The following ZBTB11 variants were observed in gnomAD, a reference collection of about 807,000 sequenced individuals.
ZBTB11 encodes zinc finger and BTB domain containing 11, also known as zinc finger and BTB domain-containing protein 11.
In ZBTB11, 68 loss-of-function variants were observed where a neutral mutation model predicts 113.1. The ratio of observed to expected loss-of-function variants is 0.60; its 90% CI spans 0.49 to 0.74. ZBTB11 has a LOEUF of 0.74. Ranked by LOEUF, ZBTB11 falls within the 30% of genes least tolerant of loss-of-function variation. The pLI is 0.00. For synonymous variants in ZBTB11, 518 were observed against 452.6 expected (o/e 1.14, Z -1.83); for missense variants, 1,104 against 1,279.4 (o/e 0.86, Z 2.09).
chr3:101,661,908 G>T (rs1936893993), intron 5 of ZBTB11, among the ~76,000 whole-genome samples: 1 of 151,766 alleles, frequency 6.6e-6, no homozygotes, highest in African/African-American at 2.4e-5. Context: ...TTTCTAACTT[G>T]TCTTTTTGCT....
chr3:101,652,963 T>C lies in ZBTB11; in HGVS notation c.2310-25A>G, dbSNP rs183852989. 2.2e-4 allele frequency: 345 copies of C among 1,595,200 alleles called. 3 individuals carry two copies. The Middle Eastern group carries it at 6.4e-3, about 29-fold the overall frequency. ...TCTGCAATAAAGTTCAGTTACCCAA[T>C]TGGATAATCTTATTCCTTTAAAACA... On this transcript the variant is annotated intron_variant, in intron 8 of 10. Transcript: ENST00000312938.
At chr3:101,671,928 A>G in intron 2 of ZBTB11, 50 bp downstream of exon 2, 1 of 1,419,354 alleles carries the variant, frequency 7.0e-7, no homozygotes, top group Non-Finnish European at 1.0e-6. Context: ...GGCTGCAAAT[A>G]CTAGTACACT....
At chr3:101,672,619 G>A (rs963002723) in intron 1 of ZBTB11, among the ~76,000 whole-genome samples, 1 of 152,234 alleles carries the variant, frequency 6.6e-6, no homozygotes, top group Non-Finnish European at 1.5e-5. Context: ...TGGAGGCTGA[G>A]GCCGGAGACT....
At position 101,671,160 on chromosome 3, in the gene ZBTB11, A is replaced by T. The variant is rs778209173; in HGVS notation, c.748T>A (p.Ser250Thr). ...AGATCCACCACAGCCTCATGACTGG[A>T]AACAGCTCCTTTCTCAATAAAAAGA... Reference protein sequence around the residue: ...RDLFIEKGAVSSHEAVVDLSG... With the variant: ...RDLFIEKGAVTSHEAVVDLSG... The change falls in exon 3 of 11, where the codon TCC becomes ACC. Residue 250 changes from serine (S) to threonine (T), a missense_variant. By Grantham distance (58) the Ser-to-Thr change is moderately conservative. This residue lies in a region of ZBTB11 where 86 missense variants were observed against 131.0 expected (regional missense o/e 0.66). Coordinates refer to ENST00000312938, the MANE Select transcript of ZBTB11 (RefSeq NM_014415.4). 16 of 1,614,084 alleles carry T rather than the reference A, an allele frequency of 9.9e-6. No individual in the cohort carries two copies. The highest frequency in any genetic ancestry group is 1.3e-5 in the African/African-American group (1 of 74,938).
chr3:101,674,428 T>C (rs1283555028), intron 1 of ZBTB11, among the ~76,000 whole-genome samples: 1 of 151,024 alleles, frequency 6.6e-6, no homozygotes, highest in Non-Finnish European at 1.5e-5. Context: ...GAGGTTGTAT[T>C]GGCCGGGCGC....
intron 6 of ZBTB11, among the ~76,000 whole-genome samples, chr3:101,658,289 G>A (rs1052487828): frequency 4.6e-5 from 7 of 150,576 alleles, no homozygotes; most frequent in African/African-American, 7.4e-5. Flanking sequence ...GCAGTGGTGC[G>A]GTCTCGGCTC....
chr3:101,658,336 C>T (rs1416444642), intron 6 of ZBTB11, among the ~76,000 whole-genome samples: 1 of 151,770 alleles, frequency 6.6e-6, no homozygotes, highest in Non-Finnish European at 1.5e-5. Flanking sequence ...AGCAATTCTC[C>T]TGCCTCAGCC....
Position 101,656,232 on chromosome 3 carries a change from A to G in ZBTB11, c.2063T>C (p.Phe688Ser). 6.3e-7 allele frequency: 1 copy of G among 1,579,964 alleles called. No individual in the cohort carries two copies. Among genetic ancestry groups the G allele is most frequent in the African/African-American group, 1.4e-5 (1 of 73,042 alleles). The change falls in exon 7 of 11, where the codon TTT becomes TCT. Residue 688 changes from phenylalanine to serine, a missense_variant. By Grantham distance (155) the Phe-to-Ser change is radical. Transcript: ENST00000312938. ...PHACQVCGKT[F>S]IYKHGLKLHQ... ...TAATTTTAGACCATGCTTATAGATA[A>G]AAGTCTTTCCACAGACCTAAGATAG... is the stretch of plus-strand genomic sequence containing the variant.
At position 101,650,816 on chromosome 3, in the gene ZBTB11, T is replaced by C. The variant is rs966828839; in HGVS notation, c.*350A>G. 16 of 162,880 alleles carry C rather than the reference T, an allele frequency of 9.8e-5. No homozygotes were observed. Among genetic ancestry groups the C allele is most frequent in the Non-Finnish European group, 1.7e-4 (13 of 75,468 alleles). The allele number at this position is 162,880 out of a possible 1,614,324, so 10.1% of individuals were successfully genotyped here. A position where few individuals can be genotyped will look rare whatever the true frequency, so the allele number is the denominator to read the frequency against. On this transcript the variant is annotated 3_prime_UTR_variant, in exon 11 of 11. Transcript: ENST00000312938. ...AGCCTTTTAAATGCAAAATGTATAA[T>C]AAAGTAATGTCAAAATGCAAATGAA...
chr3:101,654,798 C>T lies in ZBTB11; in HGVS notation c.2215G>A (p.Val739Ile). 1 of 1,614,150 alleles carries T rather than the reference C, an allele frequency of 6.2e-7. No individual in the cohort carries two copies. Among genetic ancestry groups the T allele is most frequent in the South Asian group, 1.1e-5 (1 of 91,080 alleles). The change falls in exon 8 of 11, where the codon GTT (valine) becomes ATT (isoleucine). Residue 739 changes from valine (V) to isoleucine (I), a missense_variant. Val to Ile is a conservative substitution (Grantham distance 29, BLOSUM62 3). This residue lies in a region of ZBTB11 where 535 missense variants were observed against 518.6 expected (regional missense o/e 1.03). Transcript: ENST00000312938. Reference protein sequence around the residue: ...HTGESKYLCSVCGKSFHRGSG... With the variant: ...HTGESKYLCSICGKSFHRGSG... ...CCCCTATGAAAAGACTTTCCACAAA[C>T]TGAGCAAAGGTACTTGGACTCTCCT...
intron 1 of ZBTB11, among the ~76,000 whole-genome samples, chr3:101,674,248 G>GA (rs1324335479): frequency 1.1e-4 from 17 of 152,188 alleles, no homozygotes; most frequent in Admixed American, 4.6e-4. Flanking sequence ...CCTGGGAGGC[G>GA]AAGGCTGCAG....
intron 6 of ZBTB11, among the ~76,000 whole-genome samples, chr3:101,656,690 A>C (rs1180876497): frequency 1.3e-5 from 2 of 152,100 alleles, no homozygotes; most frequent in Admixed American, 1.3e-4. Context: ...TTTGTTAAAC[A>C]CAAAAATTTT....
intron 1 of ZBTB11, among the ~76,000 whole-genome samples, chr3:101,673,010 G>A (rs1316615763): frequency 6.6e-6 from 1 of 152,182 alleles, no homozygotes; most frequent in African/African-American, 2.4e-5. Flanking sequence ...TGTAATGAAA[G>A]TTTAAAATAA....
chr3:101,650,661 A>C lies in ZBTB11; in HGVS notation c.*505T>G, dbSNP rs1363927372. 1.3e-5 allele frequency: 2 copies of C among 152,706 alleles called. No individual in the cohort carries two copies. Among genetic ancestry groups the C allele is most frequent in the Non-Finnish European group, 2.9e-5 (2 of 68,102 alleles). 9.5% of individuals were successfully genotyped at this position (152,706 alleles called of 1,614,324 possible). The stretch of plus-strand genomic sequence containing the variant: ...AATCACAGATCTAAAGCATTTAAAA[A>C]ACGTAATATACCTATGCATCCTATT... On this transcript the variant is annotated 3_prime_UTR_variant, in exon 11 of 11. Transcript: ENST00000312938.
chr3:101,666,190 A>T (rs1936993258), intron 3 of ZBTB11, among the ~76,000 whole-genome samples: 1 of 152,202 alleles, frequency 6.6e-6, no homozygotes. Context: ...CCTGTCCCCT[A>T]ATCTCACTTC....
chr3:101,666,379 T>C (rs1174346640), intron 3 of ZBTB11, among the ~76,000 whole-genome samples: 1 of 152,216 alleles, frequency 6.6e-6, no homozygotes, highest in Non-Finnish European at 1.5e-5. Flanking sequence ...CTGCTCAGCT[T>C]TGCCACTGTA....
At chr3:101,661,910 C>T (rs1936894080) in intron 5 of ZBTB11, 1 of 151,880 alleles carries the variant, frequency 6.6e-6, no homozygotes, top group Non-Finnish European at 1.5e-5. Context: ...TCTAACTTGT[C>T]TTTTTGCTCT....
At chr3:101,673,509 G>A (rs1351764052) in intron 1 of ZBTB11, among the ~76,000 whole-genome samples, 3 of 147,316 alleles carry the variant, frequency 2.0e-5, no homozygotes, top group Admixed American at 6.9e-5. Flanking sequence ...ATTATACAAA[G>A]CTCCTTACAC....
intron 3 of ZBTB11, among the ~76,000 whole-genome samples, chr3:101,668,502 A>C (rs914058561): frequency 2.0e-5 from 3 of 151,882 alleles, no homozygotes; most frequent in Admixed American, 6.6e-5. Flanking sequence ...GGTGGTGTGC[A>C]CCTGTGGTCC....
Sources: gnomAD v4.1 joint callset for allele counts (sites outside exome capture counted in the v4.1 genomes callset) on GRCh38, gnomAD v4.1.1 for gene constraint, gnomAD v4.1.1 regional missense constraint, MANE v1.5 for transcripts, NCBI Gene and HGNC (gene_info 2026-07-23, HGNC 2026-07-21) for gene names.